The following ABI3BP variants were observed in gnomAD, a reference collection of about 807,000 sequenced individuals.
ABI3BP encodes target of Nesh-SH3.
ABI3BP carries 216 observed loss-of-function variants against 268.6 expected under a neutral mutation model. The ratio of observed to expected loss-of-function variants is 0.80; its 90% CI spans 0.72 to 0.90. ABI3BP has a LOEUF of 0.90. ABI3BP is among the 40% of genes least tolerant of loss of function. The pLI, the probability that ABI3BP is intolerant of heterozygous loss-of-function variation, is 0.00. For synonymous variants in ABI3BP, 730 were observed against 730.0 expected (o/e 1.00, Z 0.00); for missense variants, 2,090 against 2,182.4 (o/e 0.96, Z 0.84).
chr3:100,810,775 A>G (rs2097844592), intron 48 of ABI3BP, among the ~76,000 whole-genome samples: 1 of 152,162 alleles, frequency 6.6e-6, no homozygotes, highest in Admixed American at 6.6e-5. Flanking sequence ...TAAAAATATT[A>G]TAGTATGAGT....
At chr3:100,753,565 T>C (rs1290924363) in intron 65 of ABI3BP, among the ~76,000 whole-genome samples, 1 of 152,188 alleles carries the variant, frequency 6.6e-6, no homozygotes, top group Non-Finnish European at 1.5e-5. Context: ...GTGCTGGGAT[T>C]ACACTGGCTG....
At chr3:100,831,644 A>G (rs2098496226) in intron 31 of ABI3BP, among the ~76,000 whole-genome samples, 1 of 152,092 alleles carries the variant, frequency 6.6e-6, no homozygotes, top group Admixed American at 6.6e-5. Flanking sequence ...GAGGGTATCA[A>G]CGAGTTATCC....
intron 1 of ABI3BP, among the ~76,000 whole-genome samples, chr3:100,980,614 CAA>C (rs987672650): frequency 6.6e-6 from 1 of 152,118 alleles, no homozygotes; most frequent in African/African-American, 2.4e-5. Context: ...GGGTTGTAAA[CAA>C]AGAGTGAGAG....
At chr3:100,782,355 T>TA (rs2096893842) in intron 57 of ABI3BP, among the ~76,000 whole-genome samples, 1 of 152,138 alleles carries the variant, frequency 6.6e-6, no homozygotes, top group Non-Finnish European at 1.5e-5. Flanking sequence ...CTTTTTTTTT[T>TA]ATCCAGGGAG....
chr3:100,866,554 A>G (rs773526711), intron 10 of ABI3BP, among the ~76,000 whole-genome samples: 71 of 152,224 alleles, frequency 4.7e-4, no homozygotes, highest in Non-Finnish European at 2.9e-4. Context: ...GAAATGAAAA[A>G]TGGTCTAATG....
intron 1 of ABI3BP, among the ~76,000 whole-genome samples, chr3:100,933,311 A>C (rs1004789083): frequency 3.9e-5 from 6 of 151,938 alleles, no homozygotes; most frequent in Non-Finnish European, 8.8e-5. Context: ...TATAATACTG[A>C]TGTCAATAAA....
At chr3:100,839,527 T>C in intron 24 of ABI3BP, 42 bp downstream of exon 24, 3 of 1,532,542 alleles carry the variant, frequency 2.0e-6, no homozygotes, top group Non-Finnish European at 2.6e-6. Flanking sequence ...AAGCAAAAGC[T>C]ACAACCCGTG....
chr3:100,760,234 A>AT (rs1171036955), intron 63 of ABI3BP, among the ~76,000 whole-genome samples: 2 of 152,224 alleles, frequency 1.3e-5, no homozygotes, highest in Admixed American at 1.3e-4. Context: ...TAGACAGTAC[A>AT]TTTTCCATAG....
chr3:100,823,155 C>A (rs930512844), intron 37 of ABI3BP, among the ~76,000 whole-genome samples: 1 of 152,032 alleles, frequency 6.6e-6, no homozygotes, highest in Non-Finnish European at 1.5e-5. Context: ...AGTTAATAGC[C>A]TTATCTGTCC....
rs141588743 is a variant in ABI3BP, at chr3:100,934,030, C to T, written c.80-7549G>A. On this transcript the variant is annotated intron_variant, in intron 1 of 67. Coordinates refer to ENST00000471714, the MANE Select transcript of ABI3BP (RefSeq NM_001375547.2). ...TAAGTTCTGGGGTACATGTGCAGAA[C>T]GTGCATGTTTGTTACATAAGTATAC... Among the ~76,000 whole-genome samples, 685 of 152,000 alleles carry T rather than the reference C, an allele frequency of 4.5e-3. 3 individuals carry two copies. The highest frequency in any genetic ancestry group is 0.016 in the African/African-American group (654 of 41,482).
At chr3:100,905,998 T>G (rs533724921) in intron 2 of ABI3BP, among the ~76,000 whole-genome samples, 50 of 152,336 alleles carry the variant, frequency 3.3e-4, no homozygotes, top group African/African-American at 1.2e-3. Context: ...CTGCAAGTTA[T>G]GTAACTATCT....
intron 38 of ABI3BP, among the ~76,000 whole-genome samples, chr3:100,822,007 C>G (rs917242292): frequency 3.3e-5 from 5 of 152,164 alleles, no homozygotes; most frequent in Admixed American, 2.0e-4. Context: ...TCTACTCATC[C>G]CTGTGCCTTG....
At chr3:100,757,152 G>A (rs145445205) in intron 63 of ABI3BP, among the ~76,000 whole-genome samples, 1 of 152,178 alleles carries the variant, frequency 6.6e-6, no homozygotes, top group Non-Finnish European at 1.5e-5. Context: ...AGAAAAGAAA[G>A]TTGGAGAATT....
At position 100,817,501 on chromosome 3, in the gene ABI3BP, CA is replaced by C; in HGVS notation, c.3089-7del. The C allele has an allele frequency of 6.8e-7, 1 of 1,460,476 alleles. No homozygotes were observed. Among genetic ancestry groups the C allele is most frequent in the Non-Finnish European group, 9.1e-7 (1 of 1,101,002 alleles). 90.5% of individuals were successfully genotyped at this position (1,460,476 alleles called of 1,614,324 possible). ...TTCAAGGACTGTAGTAACAACTAGA[CA>C]AAAATAATAAAATAAAGCAAAAAGA... On this transcript the variant is annotated splice_polypyrimidine_tract_variant and splice_region_variant and intron_variant, in intron 41 of 67. Coordinates refer to ENST00000471714, the MANE Select transcript of ABI3BP (RefSeq NM_001375547.2).
chr3:100,870,866 A>AAAAAAT (rs750853295), intron 9 of ABI3BP, among the ~76,000 whole-genome samples: 1 of 152,218 alleles, frequency 6.6e-6, no homozygotes, highest in Non-Finnish European at 1.5e-5. Context: ...GCCTTAAAAA[A>AAAAAAT]GGAGGTCCTG....
intron 9 of ABI3BP, among the ~76,000 whole-genome samples, chr3:100,873,230 A>G (rs953976039): frequency 3.3e-5 from 5 of 152,226 alleles, no homozygotes; most frequent in African/African-American, 7.2e-5. Context: ...GATATTTGAA[A>G]AACACATGAA....
chr3:100,925,597 TAG>T (rs1341493157), intron 2 of ABI3BP, among the ~76,000 whole-genome samples: 2 of 151,924 alleles, frequency 1.3e-5, no homozygotes, highest in African/African-American at 2.4e-5. Flanking sequence ...GTATTTTTTG[TAG>T]AGAGGGGATT....
intron 44 of ABI3BP, among the ~76,000 whole-genome samples, chr3:100,815,619 T>C (rs1578743220): frequency 6.6e-6 from 1 of 152,090 alleles, no homozygotes; most frequent in East Asian, 1.9e-4. Flanking sequence ...AATGGAAGGG[T>C]ATTTAGATCT....
intron 49 of ABI3BP, among the ~76,000 whole-genome samples, chr3:100,809,661 A>G (rs181162548): frequency 2.3e-4 from 35 of 152,198 alleles, no homozygotes; most frequent in Non-Finnish European, 3.8e-4. Flanking sequence ...CTTAAAATCC[A>G]TATCTCCCTT....
Sources: allele counts gnomAD v4.1 joint callset (sites outside exome capture counted in the v4.1 genomes callset), GRCh38; gene constraint gnomAD v4.1.1; transcripts MANE v1.5; gene names NCBI Gene and HGNC (gene_info 2026-07-23, HGNC 2026-07-21).